The following ANXA2 variants were observed in gnomAD, a reference collection of about 807,000 sequenced individuals.
ANXA2 encodes annexin A2, also known as annexin II.
ANXA2 carries 28 observed loss-of-function variants against 47.3 expected under a neutral mutation model. The ratio of observed to expected loss-of-function variants is 0.59; its 90% CI spans 0.44 to 0.81. ANXA2 has a LOEUF of 0.81. Ranked by LOEUF, ANXA2 falls within the 40% of genes least tolerant of loss-of-function variation. ANXA2 has a pLI of 0.00. For synonymous variants in ANXA2, 172 were observed against 155.5 expected (o/e 1.11, Z -0.79); for missense variants, 384 against 414.3 (o/e 0.93, Z 0.64).
intron 1 of ANXA2, chr15:60,393,007 A>G: frequency 7.8e-7 from 1 of 1,279,970 alleles, no homozygotes; most frequent in Non-Finnish European, 1.0e-6. Flanking sequence ...TCCATCCTCC[A>G]CCCACCTACT....
intron 3 of ANXA2, among the ~76,000 whole-genome samples, chr15:60,370,209 C>T (rs2062693707): frequency 6.6e-6 from 1 of 152,206 alleles, no homozygotes; most frequent in African/African-American, 2.4e-5. Flanking sequence ...AGCCGTAATG[C>T]ATTGCACAAG....
intron 1 of ANXA2, chr15:60,390,410 A>C (rs536976269): frequency 1.8e-6 from 1 of 560,018 alleles, no homozygotes; most frequent in African/African-American, 1.9e-5. Flanking sequence ...TTTCTGTAAG[A>C]AGTGTGGCAA....
intron 3 of ANXA2, among the ~76,000 whole-genome samples, chr15:60,381,994 A>G (rs1322903192): frequency 7.1e-6 from 1 of 139,928 alleles, no homozygotes; most frequent in African/African-American, 2.6e-5. Context: ...TCCAAAGAGA[A>G]GAAACGGGGG....
chr15:60,380,293 G>A (rs1250846519), intron 3 of ANXA2, among the ~76,000 whole-genome samples: 1 of 152,090 alleles, frequency 6.6e-6, no homozygotes, highest in Non-Finnish European at 1.5e-5. Flanking sequence ...AGGAAACTCA[G>A]TCTTAGCAAA....
chr15:60,397,396 T>A, intron 1 of ANXA2: 1 of 865,838 alleles, frequency 1.2e-6, no homozygotes, highest in Non-Finnish European at 1.4e-6. Context: ...GGCTGAGGGG[T>A]GCCTACTCAC....
In ANXA2 at chr15:60,349,151, C is replaced by T. The variant is rs751397438; in HGVS notation, c.884G>A (p.Arg295His). The T allele has an allele frequency of 1.2e-5, 19 of 1,613,858 alleles. No individual in the cohort carries two copies. Among genetic ancestry groups the T allele is most frequent in the African/African-American group, 2.7e-5 (2 of 74,906 alleles). ...DKVLIRIMVS[R>H]SEVDMLKIRS... Reference sequence around the variant, plus strand: ...AATTTTCAACATGTCCACTTCACTGCGGGAGACCATGATTCTGATCAGGAC... The same window carrying T: ...AATTTTCAACATGTCCACTTCACTGTGGGAGACCATGATTCTGATCAGGAC... The change falls in exon 12 of 13, where the codon CGC (arginine) becomes CAC (histidine). Residue 295 changes from arginine (R) to histidine (H), a missense_variant. Arg to His is a conservative substitution (Grantham distance 29, BLOSUM62 0). Coordinates refer to ENST00000451270, the MANE Select transcript of ANXA2 (RefSeq NM_004039.3).
intron 11 of ANXA2, among the ~76,000 whole-genome samples, chr15:60,349,868 AGGGG>A (rs1895917841): frequency 8.8e-6 from 1 of 113,608 alleles, no homozygotes; most frequent in African/African-American, 3.4e-5. Flanking sequence ...GCAGGGAGGC[AGGGG>A]AAGGCAAGGA....
At chr15:60,363,811 T>G (rs1228418124) in intron 4 of ANXA2, among the ~76,000 whole-genome samples, 1 of 152,198 alleles carries the variant, frequency 6.6e-6, no homozygotes, top group Non-Finnish European at 1.5e-5. Context: ...TGAGAGGAGC[T>G]TGTTAGGATC....
chr15:60,353,935 C>T lies in ANXA2; in HGVS notation c.588+219G>A, dbSNP rs73435148. On this transcript the variant is annotated intron_variant, in intron 8 of 12. Transcript: ENST00000451270. ...AAGCCCTCAGGTGACTGCAGCCATG[C>T]AACATTTTGTCTGCAACCTCAGAAA... Among the ~76,000 whole-genome samples the T allele has an allele frequency of 4.6e-5, 7 of 152,310 alleles. 1 individual carries two copies. Among genetic ancestry groups the T allele is most frequent in the South Asian group, 4.1e-4 (2 of 4,826 alleles).
At chr15:60,397,883 C>A (rs1431589290) in intron 1 of ANXA2, 60 bp downstream of exon 1, 1 of 1,376,078 alleles carries the variant, frequency 7.3e-7, no homozygotes, top group South Asian at 1.7e-5. Flanking sequence ...TTCTTCCCAG[C>A]GTCTCCACAC....
intron 5 of ANXA2, among the ~76,000 whole-genome samples, chr15:60,357,793 C>CAA (rs924530763): frequency 9.8e-5 from 12 of 122,882 alleles, no homozygotes; most frequent in Non-Finnish European, 1.7e-4. Context: ...GACCCCATCT[C>CAA]AAAAAAAAAA....
intron 7 of ANXA2, among the ~76,000 whole-genome samples, chr15:60,354,714 G>T (rs2062400601): frequency 6.6e-6 from 1 of 151,958 alleles, no homozygotes; most frequent in South Asian, 2.1e-4. Flanking sequence ...GGAAGTGGGG[G>T]CTGTGCCTTG....
intron 3 of ANXA2, among the ~76,000 whole-genome samples, chr15:60,369,669 G>T (rs2062686841): frequency 6.6e-6 from 1 of 152,160 alleles, no homozygotes; most frequent in Non-Finnish European, 1.5e-5. Context: ...ACTAAGGAAG[G>T]CTCTGTAGAA....
At chr15:60,397,402 C>T in intron 1 of ANXA2, 1 of 787,904 alleles carries the variant, frequency 1.3e-6, no homozygotes, top group Non-Finnish European at 1.5e-6. Context: ...GGGGTGCCTA[C>T]TCACACTCCC....
rs747598695 is a variant in ANXA2, at chr15:60,349,070, C to A, written c.960+5G>T. 75 of 1,613,892 alleles carry A rather than the reference C, an allele frequency of 4.6e-5. No individual in the cohort carries two copies. The highest frequency in any genetic ancestry group is 5.5e-5 in the Non-Finnish European group (65 of 1,179,994). On this transcript the variant is annotated splice_donor_5th_base_variant and intron_variant, in intron 12 of 12. Coordinates refer to ENST00000451270, the MANE Select transcript of ANXA2 (RefSeq NM_004039.3). ...GGGCAGGCTGACACTGCACCTCGGG[C>A]TTACCTGGATATAATAGTACAGGGA...
chr15:60,393,310 A>C (rs751156367), intron 1 of ANXA2: 41 of 1,000,344 alleles, frequency 4.1e-5, no homozygotes, highest in Non-Finnish European at 3.8e-5. Flanking sequence ...GGGTGGAAAG[A>C]GACCGGCAGG....
Position 60,369,854 on chromosome 15 carries a change from C to T in ANXA2, c.149-5331G>A, listed in dbSNP as rs140771369. Among the ~76,000 whole-genome samples the T allele has an allele frequency of 6.5e-3, 991 of 152,304 alleles. 6 individuals carry two copies. Among genetic ancestry groups the T allele is most frequent in the African/African-American group, 0.023 (943 of 41,558 alleles). ...CTTTTGTGAGGTACAGGATCGACTA[C>T]AATTTTAGGAAAAGAAGTGCTTACT... is the stretch of plus-strand genomic sequence containing the variant. On this transcript the variant is annotated intron_variant, in intron 3 of 12. Coordinates refer to ENST00000451270, the MANE Select transcript of ANXA2 (RefSeq NM_004039.3).
chr15:60,359,986 G>T (rs1246950944), intron 5 of ANXA2, among the ~76,000 whole-genome samples: 6 of 152,250 alleles, frequency 3.9e-5, no homozygotes, highest in Non-Finnish European at 8.8e-5. Flanking sequence ...GCCAGGCGCG[G>T]TGGCTCACGC....
At chr15:60,368,320 AT>A (rs1457754988) in intron 3 of ANXA2, among the ~76,000 whole-genome samples, 5 of 89,486 alleles carry the variant, frequency 5.6e-5, no homozygotes, top group African/African-American at 1.7e-4. Flanking sequence ...AAAAAAAAAA[AT>A]AAAATAAAAT....
Sources: allele counts gnomAD v4.1 joint callset (sites outside exome capture counted in the v4.1 genomes callset), GRCh38; gene constraint gnomAD v4.1.1; transcripts MANE v1.5; gene names NCBI Gene and HGNC (gene_info 2026-07-23, HGNC 2026-07-21).